Variants in EDA observed in about 807,000 individuals in gnomAD.
The protein encoded by EDA is ectodysplasin A, also known as ectodysplasin-A.
Under a neutral mutation model 23.6 loss-of-function variants are expected in EDA, and 2 were observed. The observed-to-expected ratio is 0.08, with a 90% CI of 0.03 to 0.27. EDA has a LOEUF of 0.27. Ranked by LOEUF, EDA falls within the 10% of genes least tolerant of loss-of-function variation. The pLI is 1.00. For missense variants in EDA, 229 were observed against 324.2 expected (o/e 0.71, Z 2.26); for synonymous variants, 131 against 132.0 (o/e 0.99, Z 0.05).
chrX:69,726,409 A>T (rs1369395744), intron 1 of EDA, among the ~76,000 whole-genome samples: 1 of 112,174 alleles, frequency 8.9e-6, no homozygotes, highest in Non-Finnish European at 1.9e-5. Context: ...TTTTTCACAA[A>T]GACTGAAGTG....
At chrX:69,862,132 G>T (rs765745473) in intron 1 of EDA, among the ~76,000 whole-genome samples, 1 of 111,417 alleles carries the variant, frequency 9.0e-6, no homozygotes, top group Admixed American at 9.6e-5. Context: ...TTTGACTGGG[G>T]CTAGAGGATA....
chrX:69,993,765 A>G (rs1168023484), intron 2 of EDA, among the ~76,000 whole-genome samples: 1 of 112,015 alleles, frequency 8.9e-6, no homozygotes, highest in African/African-American at 3.2e-5. Flanking sequence ...GACTAGTGCA[A>G]AACATCAGTC....
intron 1 of EDA, among the ~76,000 whole-genome samples, chrX:69,788,293 G>A (rs1198612499): frequency 8.9e-6 from 1 of 112,665 alleles, no homozygotes; most frequent in East Asian, 2.8e-4. Flanking sequence ...CTCTCAGCTC[G>A]TCAAAGTCCT....
chrX:69,865,857 C>T (rs2017477260), intron 1 of EDA, among the ~76,000 whole-genome samples: 1 of 112,332 alleles, frequency 8.9e-6, no homozygotes, highest in Non-Finnish European at 1.9e-5. Flanking sequence ...AAAGTTAACA[C>T]TTAAATGCTG....
intron 1 of EDA, among the ~76,000 whole-genome samples, chrX:69,901,150 A>G (rs1237953058): frequency 8.9e-6 from 1 of 111,786 alleles, no homozygotes; most frequent in Non-Finnish European, 1.9e-5. Context: ...TTAGGGAATG[A>G]CTTTATTCCA....
At chrX:69,933,575 G>T (rs1037118368) in intron 1 of EDA, among the ~76,000 whole-genome samples, 1 of 110,863 alleles carries the variant, frequency 9.0e-6, no homozygotes, top group African/African-American at 3.3e-5. Context: ...TACTCAGGAG[G>T]CTGAGGCAGG....
chrX:69,760,957 G>T (rs760941403), intron 1 of EDA, among the ~76,000 whole-genome samples: 4 of 111,300 alleles, frequency 3.6e-5, no homozygotes, highest in Non-Finnish European at 7.5e-5. Context: ...GCACTGGGAA[G>T]CCAGTGAAGT....
intron 1 of EDA, among the ~76,000 whole-genome samples, chrX:69,785,799 T>G (rs1218091971): frequency 9.4e-6 from 1 of 106,844 alleles, no homozygotes; most frequent in East Asian, 2.9e-4. Context: ...AGGATGATGC[T>G]GGCCTCATAA....
chrX:69,885,131 A>G (rs1160114398), intron 1 of EDA, among the ~76,000 whole-genome samples: 1 of 112,239 alleles, frequency 8.9e-6, no homozygotes, highest in Non-Finnish European at 1.9e-5. Context: ...CTAGGGAAAC[A>G]TCTATTCATA....
chrX:69,718,243 C>G (rs2012425231), intron 1 of EDA, among the ~76,000 whole-genome samples: 1 of 112,004 alleles, frequency 8.9e-6, no homozygotes, highest in Non-Finnish European at 1.9e-5. Context: ...ATAGCATCTG[C>G]AAACAAAGAT....
chrX:69,806,555 A>G (rs756299818), intron 1 of EDA, among the ~76,000 whole-genome samples: 25 of 111,172 alleles, frequency 2.2e-4, no homozygotes, highest in Non-Finnish European at 3.6e-4. Context: ...CCCCACCTTC[A>G]TGGAGCATAC....
intron 1 of EDA, among the ~76,000 whole-genome samples, chrX:69,669,830 C>T (rs1933819601): frequency 9.0e-6 from 1 of 110,957 alleles, no homozygotes; most frequent in African/African-American, 3.3e-5. Flanking sequence ...CTACCCCATT[C>T]CCTTCTCTAA....
chrX:69,949,182 C>A (rs977669284), intron 1 of EDA, among the ~76,000 whole-genome samples: 2 of 111,777 alleles, frequency 1.8e-5, no homozygotes, highest in Non-Finnish European at 3.8e-5. Context: ...TTTTACAGAG[C>A]CTGGTATGTA....
intron 1 of EDA, among the ~76,000 whole-genome samples, chrX:69,821,903 C>A (rs771578072): frequency 3.6e-5 from 4 of 111,688 alleles, no homozygotes; most frequent in African/African-American, 1.3e-4. Flanking sequence ...GTTGTGCCAC[C>A]ATCACTACCA....
intron 1 of EDA, among the ~76,000 whole-genome samples, chrX:69,857,862 T>C (rs1245487845): frequency 8.9e-6 from 1 of 112,588 alleles, no homozygotes; most frequent in East Asian, 2.8e-4. Flanking sequence ...TATCTATCGA[T>C]GAGCACTGGA....
At chrX:70,005,776 G>A (rs1024936679) in intron 2 of EDA, among the ~76,000 whole-genome samples, 18 of 110,876 alleles carry the variant, frequency 1.6e-4, no homozygotes, top group Admixed American at 1.6e-3. Context: ...TTTTAAACTA[G>A]TGGATGTTTT....
intron 1 of EDA, among the ~76,000 whole-genome samples, 154 bp from the exon 2 acceptor site, chrX:69,956,873 T>C (rs1450158315): frequency 8.9e-6 from 1 of 111,984 alleles, no homozygotes; most frequent in African/African-American, 3.2e-5. Context: ...GTATCAAAAA[T>C]AAAATGGTTT....
intron 1 of EDA, among the ~76,000 whole-genome samples, chrX:69,755,828 C>T (rs915592265): frequency 4.4e-5 from 5 of 112,538 alleles, no homozygotes; most frequent in East Asian, 5.6e-4. Flanking sequence ...GTGCTAGCAG[C>T]GAGTGAGGCG....
chrX:69,855,841 A>G (rs1190655745), intron 1 of EDA, among the ~76,000 whole-genome samples: 1 of 111,436 alleles, frequency 9.0e-6, no homozygotes, highest in African/African-American at 3.3e-5. Context: ...GTTTTTTTCT[A>G]GTTCTGTGAA....
Sources: gnomAD v4.1 joint callset for allele counts (sites outside exome capture counted in the v4.1 genomes callset) on GRCh38, gnomAD v4.1.1 for gene constraint, MANE v1.5 for transcripts, NCBI Gene and HGNC (gene_info 2026-07-23, HGNC 2026-07-21) for gene names.